SNAP23: variants seen among roughly 807,000 people sequenced by gnomAD.
SNAP23 encodes synaptosomal-associated protein 23.
A neutral mutation model predicts 29.0 loss-of-function variants in SNAP23; 11 were observed. The ratio of observed to expected loss-of-function variants is 0.38; its 90% CI spans 0.24 to 0.63. The LOEUF (loss-of-function observed/expected upper bound fraction) is 0.63. Among genes scored for constraint, SNAP23 ranks in the 20% least tolerant of loss-of-function variants. The probability of loss-of-function intolerance (pLI) is 0.58; values close to 1 mark genes in which losing one functional copy is unlikely to be tolerated. For synonymous variants in SNAP23, 60 were observed against 82.9 expected (o/e 0.72, Z 1.50); for missense variants, 220 against 253.9 (o/e 0.87, Z 0.91).
At chr15:42,518,563 G>A (rs2057417401) in intron 5 of SNAP23, among the ~76,000 whole-genome samples, 1 of 151,516 alleles carries the variant, frequency 6.6e-6, no homozygotes, top group Non-Finnish European at 1.5e-5. Context: ...GGGATTACAG[G>A]CACATGCCAC....
chr15:42,526,367 AAACAT>A (rs1199037818), intron 5 of SNAP23, among the ~76,000 whole-genome samples: 6 of 152,228 alleles, frequency 3.9e-5, no homozygotes, highest in Admixed American at 3.3e-4. Context: ...AACAGCATAG[AAACAT>A]AATTATGATA....
intron 1 of SNAP23, among the ~76,000 whole-genome samples, chr15:42,496,708 C>A (rs2057222490): frequency 1.3e-5 from 2 of 151,774 alleles, no homozygotes; most frequent in South Asian, 4.2e-4. Context: ...CAGAGTCAGG[C>A]TCCAACTCAA....
chr15:42,499,318 C>G (rs771427127), intron 1 of SNAP23, among the ~76,000 whole-genome samples: 1 of 152,112 alleles, frequency 6.6e-6, no homozygotes, highest in Non-Finnish European at 1.5e-5. Flanking sequence ...GTGATCCGCT[C>G]GCCTCAGCCT....
intron 4 of SNAP23, among the ~76,000 whole-genome samples, chr15:42,515,030 C>T (rs1325509003): frequency 3.9e-5 from 6 of 152,128 alleles, no homozygotes; most frequent in Non-Finnish European, 8.8e-5. Context: ...CAAATTTTTC[C>T]ACAGCAAGAG....
chr15:42,500,815 T>C (rs558737712), intron 1 of SNAP23, among the ~76,000 whole-genome samples: 1 of 152,310 alleles, frequency 6.6e-6, no homozygotes, highest in African/African-American at 2.4e-5. Context: ...TTTTAAATAG[T>C]AAGAGTAGAA....
At chr15:42,523,211 T>C (rs2057465593) in intron 5 of SNAP23, among the ~76,000 whole-genome samples, 2 of 152,098 alleles carry the variant, frequency 1.3e-5, no homozygotes, top group South Asian at 4.1e-4. Flanking sequence ...TAAAGACTAT[T>C]AGACCACTCA....
intron 1 of SNAP23, among the ~76,000 whole-genome samples, chr15:42,503,042 GCTTC>G (rs2057287632): frequency 6.6e-6 from 1 of 152,184 alleles, no homozygotes; most frequent in Admixed American, 6.5e-5. Context: ...TCCTGCCTCA[GCTTC>G]CTGAGTAGCT....
At position 42,522,842 on chromosome 15, in the gene SNAP23, C is replaced by CTTTTT. The variant is rs5812226; in HGVS notation, c.267-5403_267-5399dup. On this transcript the variant is annotated intron_variant, in intron 5 of 7. Coordinates refer to ENST00000249647, the MANE Select transcript of SNAP23 (RefSeq NM_003825.4). ...TTTCAGATTCTTACTTAAAACTTGC[C>CTTTTT]TTTTTTTTTTTTTTTTTTTTTGAGA... Among the ~76,000 whole-genome samples, 195 of 91,032 alleles carry CTTTTT rather than the reference C, an allele frequency of 2.1e-3. 7 individuals are homozygous for CTTTTT. The highest frequency in any genetic ancestry group is 3.9e-3 in the African/African-American group (84 of 21,642). The allele number at this position is 91,032 out of a possible 152,430, so 59.7% of individuals were successfully genotyped here.
At position 42,514,288 on chromosome 15, in the gene SNAP23, C is replaced by A. The variant is rs771738097; in HGVS notation, c.148+841C>A. Among the ~76,000 whole-genome samples, 58 of 151,958 alleles carry A rather than the reference C, an allele frequency of 3.8e-4. 1 individual carries two copies. Among genetic ancestry groups the A allele is most frequent in the African/African-American group, 9.7e-5 (4 of 41,358 alleles). ...CCTGAGTTGCTGGGATTACAGGTGT[C>A]CACCACCACACCCAGCTAATTTTTT... On this transcript the variant is annotated intron_variant, in intron 4 of 7. Coordinates refer to ENST00000249647, the MANE Select transcript of SNAP23 (RefSeq NM_003825.4).
chr15:42,501,919 A>T (rs1342544863), intron 1 of SNAP23, among the ~76,000 whole-genome samples: 2 of 152,014 alleles, frequency 1.3e-5, no homozygotes, highest in Non-Finnish European at 2.9e-5. Context: ...ATGCCTTCAG[A>T]TATTGGGCAC....
At chr15:42,524,783 T>C (rs912557616) in intron 5 of SNAP23, among the ~76,000 whole-genome samples, 1 of 114,388 alleles carries the variant, frequency 8.7e-6, no homozygotes, top group Non-Finnish European at 1.8e-5. Flanking sequence ...AAAAACATAT[T>C]TATATTTGTG....
chr15:42,497,046 T>TC (rs58783317), intron 1 of SNAP23, among the ~76,000 whole-genome samples: 16,360 of 146,674 alleles, frequency 0.11, 2,006 homozygotes, highest in African/African-American at 0.28. Context: ...TTTCTTTCTT[T>TC]TTTTTTTTTT....
At chr15:42,507,401 T>A (rs1230915353) in intron 1 of SNAP23, among the ~76,000 whole-genome samples, 1 of 152,200 alleles carries the variant, frequency 6.6e-6, no homozygotes, top group East Asian at 1.9e-4. Flanking sequence ...TAAGCCCAAG[T>A]GAACCATAGC....
chr15:42,518,778 C>T (rs1595525146), intron 5 of SNAP23, among the ~76,000 whole-genome samples: 1 of 152,214 alleles, frequency 6.6e-6, no homozygotes, highest in South Asian at 2.1e-4. Context: ...GTAATGGTGC[C>T]ACAACTCATT....
rs5812226 is a variant in SNAP23 at position 42,522,842 on chromosome 15, C to CTTTTTT, written c.267-5404_267-5399dup. On this transcript the variant is annotated intron_variant, in intron 5 of 7. Transcript: ENST00000249647. Reference sequence around the variant, plus strand: ...TTTCAGATTCTTACTTAAAACTTGCCTTTTTTTTTTTTTTTTTTTTTGAGA... The same window carrying CTTTTTT: ...TTTCAGATTCTTACTTAAAACTTGCCTTTTTTTTTTTTTTTTTTTTTTTTTTTGAGA... 3.6e-4 allele frequency among the ~76,000 whole-genome samples: 33 copies of CTTTTTT among 91,046 alleles called. 2 individuals are homozygous for CTTTTTT. The highest frequency in any genetic ancestry group is 4.3e-4 in the Non-Finnish European group (22 of 51,632). The allele number at this position is 91,046 out of a possible 152,430, so 59.7% of individuals were successfully genotyped here.
chr15:42,496,337 G>A (rs2057219501), intron 1 of SNAP23, among the ~76,000 whole-genome samples: 1 of 152,180 alleles, frequency 6.6e-6, no homozygotes, highest in Non-Finnish European at 1.5e-5. Flanking sequence ...GGAAAAAAAA[G>A]TCAAGAAGGG....
At chr15:42,529,527 A>T in intron 6 of SNAP23, 148 bp from the exon 7 acceptor site, 1 of 736,832 alleles carries the variant, frequency 1.4e-6, no homozygotes, top group Admixed American at 2.9e-5. Context: ...TTTTTATTAT[A>T]GAATGTTTCC....
chr15:42,518,450 T>C (rs76100130), intron 5 of SNAP23, among the ~76,000 whole-genome samples: 4 of 150,236 alleles, frequency 2.7e-5, no homozygotes, highest in East Asian at 1.9e-4. Context: ...TTTTTTTTTT[T>C]CTCGAGACAG....
chr15:42,513,476 A>C (rs771145819), intron 4 of SNAP23, 29 bp downstream of exon 4: 1 of 1,586,592 alleles, frequency 6.3e-7, no homozygotes, highest in East Asian at 2.2e-5. Context: ...AGAAATTCTT[A>C]ATTTGACTGT....
Sources: gnomAD v4.1 joint callset for allele counts (sites outside exome capture counted in the v4.1 genomes callset) on GRCh38, gnomAD v4.1.1 for gene constraint, MANE v1.5 for transcripts, NCBI Gene and HGNC (gene_info 2026-07-23, HGNC 2026-07-21) for gene names.